MRE11: variants seen among roughly 807,000 people sequenced by gnomAD.
MRE11 encodes MRE11 double strand break repair nuclease, also known as double-strand break repair protein MRE11.
Under a neutral mutation model 91.7 loss-of-function variants are expected in MRE11, and 62 were observed. That is an observed-to-expected ratio of 0.68 (90% CI 0.55 to 0.84). The LOEUF (loss-of-function observed/expected upper bound fraction) is 0.84, where lower values mean the gene tolerates loss of function less well. Ranked by LOEUF, MRE11 falls within the 40% of genes least tolerant of loss-of-function variation. MRE11 has a pLI of 0.00. For synonymous variants in MRE11, 273 were observed against 271.4 expected (o/e 1.01, Z -0.06); for missense variants, 796 against 852.9 (o/e 0.93, Z 0.83).
At chr11:94,435,357 C>T (rs1390261968) in intron 18 of MRE11, among the ~76,000 whole-genome samples, 1 of 152,068 alleles carries the variant, frequency 6.6e-6, no homozygotes, top group Non-Finnish European at 1.5e-5. Flanking sequence ...GAGTTCAAGA[C>T]CAGCTTGGGC....
chr11:94,511,176 T>G, the MRE11 span, among the ~76,000 whole-genome samples: 1 of 151,880 alleles, frequency 6.6e-6, no homozygotes, highest in Non-Finnish European at 1.5e-5. Flanking sequence ...TGCCTCTCGC[T>G]CTCTCTCTAT....
intron 2 of MRE11, chr11:94,492,511 T>C: frequency 1.6e-6 from 1 of 615,862 alleles, no homozygotes; most frequent in Non-Finnish European, 2.8e-6. Flanking sequence ...ATCACTTCAA[T>C]AATTTAAGAT....
chr11:94,425,671 A>G lies in MRE11; in HGVS notation c.2070+4240T>C, dbSNP rs115986537. Among the ~76,000 whole-genome samples, 353 of 152,350 alleles carry G rather than the reference A, an allele frequency of 2.3e-3. 1 individual carries two copies. Among genetic ancestry groups the G allele is most frequent in the African/African-American group, 8.0e-3 (333 of 41,588 alleles). ...AGAAAGATCTAACATGCAAATGAAA[A>G]ACAAAAAAGGGCAGGAGTCACAATT... On this transcript the variant is annotated intron_variant, in intron 19 of 19. Transcript: ENST00000323929.
intron 3 of MRE11, among the ~76,000 whole-genome samples, chr11:94,488,852 T>C (rs1401818191): frequency 3.3e-5 from 5 of 152,148 alleles, no homozygotes; most frequent in African/African-American, 1.2e-4. Context: ...CTAGGATTAA[T>C]ACCTGGGTGC....
intron 7 of MRE11, chr11:94,473,254 G>A (rs1327275987): frequency 1.3e-5 from 2 of 152,228 alleles, no homozygotes; most frequent in Non-Finnish European, 2.9e-5. Flanking sequence ...TAAGGTATGA[G>A]ATTATCACAA....
intron 19 of MRE11, among the ~76,000 whole-genome samples, chr11:94,427,258 T>C (rs1945347843): frequency 6.6e-6 from 1 of 152,122 alleles, no homozygotes; most frequent in Non-Finnish European, 1.5e-5. Flanking sequence ...TCCATAAATG[T>C]GACTCACCAC....
the MRE11 span, chr11:94,499,177 T>C: frequency 6.5e-6 from 1 of 153,636 alleles, no homozygotes; most frequent in African/African-American, 2.4e-5. Flanking sequence ...TACACAATCC[T>C]GTGGATAGTC....
In MRE11 at chr11:94,486,002, A is replaced by G; in HGVS notation, c.236T>C (p.Leu79Ser). Residue 79 changes from leucine to serine, a missense_variant, in exon 4 of 20, where the codon TTA (leucine) becomes TCA (serine). Leu to Ser is a moderately radical substitution (Grantham distance 145, BLOSUM62 -2). Transcript: ENST00000323929. ...CCGATCACCCATACAATATTTTCTTAATAACTCGAGGCAGGTATGTAATGT... is the reference window on the plus strand; with the variant it reads ...CCGATCACCCATACAATATTTTCTTGATAACTCGAGGCAGGTATGTAATGT... Reference protein sequence around the residue: ...RKTLHTCLELLRKYCMGDRPV... With the variant: ...RKTLHTCLELSRKYCMGDRPV... 6.2e-7 allele frequency: 1 copy of G among 1,613,954 alleles called. No individual in the cohort carries two copies. The highest frequency in any genetic ancestry group is 8.5e-7 in the Non-Finnish European group (1 of 1,179,948).
upstream of MRE11, chr11:94,496,817 C>T (rs752964325): frequency 3.1e-6 from 5 of 1,613,678 alleles, no homozygotes; most frequent in Non-Finnish European, 4.2e-6. Flanking sequence ...TACTGGTACT[C>T]AAAGTCTTTG....
intron 7 of MRE11, among the ~76,000 whole-genome samples, chr11:94,474,587 T>C (rs1251450229): frequency 6.6e-6 from 1 of 152,186 alleles, no homozygotes; most frequent in Non-Finnish European, 1.5e-5. Context: ...CACCCATGGA[T>C]GCTAAAATTA....
Position 94,464,175 on chromosome 11 carries a change from C to T in MRE11, c.1163G>A (p.Arg388Gln), listed in dbSNP as rs587780134. ...GATAATGTCTTTTGGATTAGCTACC[C>T]GATCCACAAATTTCTGGCTAAAGCG... ...VLRFSQKFVD[R>Q]VANPKDIIHF... Residue 388 changes from arginine (R) to glutamine (Q), a missense_variant, in exon 11 of 20, where the codon CGG becomes CAG. Coordinates refer to ENST00000323929, the MANE Select transcript of MRE11 (RefSeq NM_005591.4). The T allele has an allele frequency of 6.8e-6, 11 of 1,613,736 alleles. No individual in the cohort carries two copies. In the Admixed American group the frequency reaches 1.5e-4, roughly 22 times the overall value.
upstream of MRE11, chr11:94,496,953 TAAA>T: frequency 7.2e-7 from 1 of 1,398,136 alleles, no homozygotes. Flanking sequence ...AAAAATCGGG[TAAA>T]AAAAAAAATT....
At chr11:94,476,172 T>C in intron 7 of MRE11, 117 bp downstream of exon 7, 1 of 685,006 alleles carries the variant, frequency 1.5e-6, no homozygotes, top group South Asian at 1.6e-5. Context: ...ATGTTTTGTC[T>C]GATCTTGCAT....
At chr11:94,460,231 T>C (rs1466547509) in intron 12 of MRE11, among the ~76,000 whole-genome samples, 3 of 151,960 alleles carry the variant, frequency 2.0e-5, no homozygotes, top group African/African-American at 7.3e-5. Flanking sequence ...TCCAGTCCTG[T>C]GTACGATTTC....
intron 19 of MRE11, among the ~76,000 whole-genome samples, chr11:94,422,319 C>T (rs1047243715): frequency 3.3e-5 from 5 of 152,126 alleles, no homozygotes; most frequent in African/African-American, 4.8e-5. Flanking sequence ...GTTGCAGACG[C>T]GATCTGGAAC....
intron 19 of MRE11, 27 bp from the exon 20 acceptor site, chr11:94,420,208 A>C: frequency 6.4e-7 from 1 of 1,558,548 alleles, no homozygotes; most frequent in Non-Finnish European, 8.8e-7. Flanking sequence ...ATGTTGTATT[A>C]GTGATTGTTC....
At chr11:94,489,705 G>A (rs148028848) in intron 3 of MRE11, among the ~76,000 whole-genome samples, 24 of 152,202 alleles carry the variant, frequency 1.6e-4, no homozygotes, top group African/African-American at 2.6e-4. Flanking sequence ...CAAGGCTGGC[G>A]GTGTTAATTT....
intron 18 of MRE11, 115 bp downstream of exon 18, chr11:94,435,717 A>G (rs1271180038): frequency 7.4e-6 from 6 of 814,478 alleles, no homozygotes; most frequent in Admixed American, 5.7e-5. Context: ...ATACTTTACT[A>G]GTTGAAAATA....
intron 15 of MRE11, 46 bp downstream of exon 15, chr11:94,447,173 T>A: frequency 1.9e-6 from 3 of 1,562,718 alleles, no homozygotes; most frequent in Non-Finnish European, 2.6e-6. Context: ...TATTTTCCAC[T>A]CAACTGCCAA....
Sources: gnomAD v4.1 joint callset for allele counts (sites outside exome capture counted in the v4.1 genomes callset) on GRCh38, gnomAD v4.1.1 for gene constraint, MANE v1.5 for transcripts, NCBI Gene and HGNC (gene_info 2026-07-23, HGNC 2026-07-21) for gene names.